The following CDK13 variants were observed in gnomAD, a reference collection of about 807,000 sequenced individuals.
The protein encoded by CDK13 is cyclin-dependent kinase 13.
Under a neutral mutation model 137.6 loss-of-function variants are expected in CDK13, and 40 were observed. The observed-to-expected ratio is 0.29, with a 90% confidence interval of 0.23 to 0.38. The LOEUF (loss-of-function observed/expected upper bound fraction) is 0.38, where lower values mean the gene tolerates loss of function less well. Ranked by LOEUF, CDK13 falls within the 10% of genes least tolerant of loss-of-function variation. The pLI, the probability that CDK13 is intolerant of heterozygous loss-of-function variation, is 1.00. For synonymous variants in CDK13, 869 were observed against 760.1 expected (o/e 1.14, Z -2.36); for missense variants, 1,704 against 1,951.8 (o/e 0.87, Z 2.39).
intron 1 of CDK13, among the ~76,000 whole-genome samples, chr7:39,974,998 A>C (rs1463344420): frequency 6.6e-6 from 1 of 152,190 alleles, no homozygotes. Context: ...AGTTAGCTGC[A>C]GATTCGTCAT....
intron 5 of CDK13, among the ~76,000 whole-genome samples, chr7:40,039,722 G>A (rs749075133): frequency 2.3e-4 from 35 of 152,110 alleles, no homozygotes; most frequent in African/African-American, 4.8e-4. Context: ...GTGAGCCACC[G>A]TGCCTGGACT....
chr7:40,054,533 C>G (rs374848542), intron 7 of CDK13, among the ~76,000 whole-genome samples: 1 of 151,844 alleles, frequency 6.6e-6, no homozygotes, highest in South Asian at 2.1e-4. Context: ...TGAGTTCAAG[C>G]GATTCTCCTG....
At position 40,063,004 on chromosome 7, in the gene CDK13, C is replaced by T. The variant is rs766259538; in HGVS notation, c.2703-19C>T. 3.1e-5 allele frequency: 50 copies of T among 1,609,912 alleles called. No homozygotes were observed. Among genetic ancestry groups the T allele is most frequent in the Middle Eastern group, 1.6e-4 (1 of 6,068 alleles). On this transcript the variant is annotated intron_variant, in intron 8 of 13. Coordinates refer to ENST00000181839, the MANE Select transcript of CDK13 (RefSeq NM_003718.5). ...ATTAAAATAGATCATTTGGTAATGA[C>T]GGGTATTTTTTCCATTAGCTGTATC...
At chr7:40,004,245 A>G (rs1784751852) in intron 5 of CDK13, among the ~76,000 whole-genome samples, 1 of 152,142 alleles carries the variant, frequency 6.6e-6, no homozygotes. Flanking sequence ...ATAAATTCCC[A>G]GAGCCTTTGT....
At position 39,996,961 on chromosome 7, in the gene CDK13, C is replaced by CAAAAAAAA. The variant is rs72210233; in HGVS notation, c.1872-525_1872-518dup. 4.0e-3 allele frequency among the ~76,000 whole-genome samples: 333 copies of CAAAAAAAA among 83,028 alleles called. 3 individuals are homozygous for CAAAAAAAA. Among genetic ancestry groups the CAAAAAAAA allele is most frequent in the South Asian group, 5.5e-3 (13 of 2,358 alleles). 54.5% of individuals were successfully genotyped at this position (83,028 alleles called of 152,430 possible). On this transcript the variant is annotated intron_variant, in intron 2 of 13. Coordinates refer to ENST00000181839, the MANE Select transcript of CDK13 (RefSeq NM_003718.5). ...CTTGGGTGACAGTGAGATTCCATCT[C>CAAAAAAAA]AAAAAAAAAAAAAAAGAAAAAAAAA...
chr7:40,008,894 T>C (rs900420990), intron 5 of CDK13, among the ~76,000 whole-genome samples: 1 of 152,200 alleles, frequency 6.6e-6, no homozygotes, highest in Admixed American at 6.5e-5. Context: ...GAATTTTATA[T>C]CAAATTTACA....
At chr7:40,080,732 CA>C (rs1344174825) in intron 11 of CDK13, among the ~76,000 whole-genome samples, 1 of 152,130 alleles carries the variant, frequency 6.6e-6, no homozygotes, top group Non-Finnish European at 1.5e-5. Context: ...AAGAATAGTA[CA>C]AAGAGTATTC....
chr7:39,993,969 C>T (rs1483166513), intron 2 of CDK13, among the ~76,000 whole-genome samples: 2 of 151,908 alleles, frequency 1.3e-5, no homozygotes, highest in African/African-American at 4.8e-5. Flanking sequence ...ATTAATTTTG[C>T]ATTTTTCTGA....
At chr7:40,005,943 G>A (rs889597644) in intron 5 of CDK13, among the ~76,000 whole-genome samples, 2 of 151,856 alleles carry the variant, frequency 1.3e-5, no homozygotes, top group African/African-American at 4.8e-5. Flanking sequence ...CAAGGCCGGC[G>A]TCAAACTCCT....
intron 1 of CDK13, among the ~76,000 whole-genome samples, chr7:39,962,454 A>G (rs189789554): frequency 1.3e-5 from 2 of 152,320 alleles, no homozygotes; most frequent in Admixed American, 6.5e-5. Flanking sequence ...GTGTCTGTTC[A>G]TATCCTTCGC....
intron 6 of CDK13, among the ~76,000 whole-genome samples, 184 bp downstream of exon 6, chr7:40,046,209 C>T (rs1785736648): frequency 6.6e-6 from 1 of 152,142 alleles, no homozygotes; most frequent in African/African-American, 2.4e-5. Context: ...CCTACTATTA[C>T]ACTTGTAATA....
At chr7:40,050,464 T>A (rs1442126639) in intron 7 of CDK13, among the ~76,000 whole-genome samples, 1 of 152,210 alleles carries the variant, frequency 6.6e-6, no homozygotes, top group Non-Finnish European at 1.5e-5. Flanking sequence ...TGATCTCAGC[T>A]CACTGCAACC....
chr7:40,031,828 GTTATTATTA>G (rs34654098), intron 5 of CDK13, among the ~76,000 whole-genome samples: 8,170 of 139,032 alleles, frequency 0.059, 758 homozygotes, highest in African/African-American at 0.2. Context: ...TATTATTATT[GTTATTATTA>G]TTATTATTAT....
intron 1 of CDK13, among the ~76,000 whole-genome samples, chr7:39,968,566 C>G (rs931901801): frequency 6.6e-6 from 1 of 152,196 alleles, no homozygotes; most frequent in Non-Finnish European, 1.5e-5. Flanking sequence ...AGAGGCTGTC[C>G]TTTTCTTACT....
intron 1 of CDK13, among the ~76,000 whole-genome samples, chr7:39,966,437 T>C (rs1378967525): frequency 1.3e-5 from 2 of 152,368 alleles, no homozygotes; most frequent in African/African-American, 2.4e-5. Context: ...ACGTAGTTCT[T>C]GTGCCTTGAT....
chr7:40,038,266 A>G (rs180773677), intron 5 of CDK13, among the ~76,000 whole-genome samples: 101 of 152,266 alleles, frequency 6.6e-4, no homozygotes, highest in Admixed American at 1.7e-3. Flanking sequence ...TCATTTAACC[A>G]TATATGCTGA....
chr7:40,007,586 C>T (rs1212727901), intron 5 of CDK13, among the ~76,000 whole-genome samples: 1 of 152,064 alleles, frequency 6.6e-6, no homozygotes, highest in Non-Finnish European at 1.5e-5. Flanking sequence ...CCACCACACC[C>T]AGCTAATTTT....
At chr7:40,077,968 G>A (rs375740065) in intron 9 of CDK13, 37 bp from the exon 10 acceptor site, 39 of 901,130 alleles carry the variant, frequency 4.3e-5, no homozygotes, top group Middle Eastern at 4.5e-4. Context: ...TCTTTATGTA[G>A]TTGATAGTGA....
intron 5 of CDK13, among the ~76,000 whole-genome samples, chr7:40,028,841 A>G (rs1785302817): frequency 6.6e-6 from 1 of 151,696 alleles, no homozygotes; most frequent in East Asian, 1.9e-4. Flanking sequence ...ATATATAATA[A>G]TGCAAATATA....
Sources: gnomAD v4.1 joint callset for allele counts (sites outside exome capture counted in the v4.1 genomes callset) on GRCh38, gnomAD v4.1.1 for gene constraint, MANE v1.5 for transcripts, NCBI Gene and HGNC (gene_info 2026-07-23, HGNC 2026-07-21) for gene names.